The following ZNF195 variants were observed in gnomAD, a reference collection of about 807,000 sequenced individuals.
The protein encoded by ZNF195 is zinc finger protein 195.
A neutral mutation model predicts 19.5 loss-of-function variants in ZNF195; 11 were observed. The observed-to-expected ratio is 0.57, with a 90% confidence interval of 0.36 to 0.94. ZNF195 has a LOEUF of 0.94. Among genes scored for constraint, ZNF195 ranks in the 40% least tolerant of loss-of-function variants. The pLI is 0.01. For missense variants in ZNF195, 582 were observed against 709.0 expected (o/e 0.82, Z 2.03); for synonymous variants, 214 against 248.1 (o/e 0.86, Z 1.29).
At chr11:3,367,347 T>C (rs1848947335) in intron 3 of ZNF195, among the ~76,000 whole-genome samples, 2 of 152,074 alleles carry the variant, frequency 1.3e-5, no homozygotes, top group South Asian at 4.1e-4. Context: ...ATGTTAGTCA[T>C]AAAATCTGCT....
intron 1 of ZNF195, chr11:3,373,501 A>G: frequency 3.4e-6 from 4 of 1,186,908 alleles, no homozygotes; most frequent in Non-Finnish European, 4.9e-6. Flanking sequence ...GTAGAGAAGT[A>G]AAGGTTTCCA....
intron 1 of ZNF195, among the ~76,000 whole-genome samples, chr11:3,375,099 A>G (rs1849390940): frequency 6.6e-6 from 1 of 152,198 alleles, no homozygotes; most frequent in Non-Finnish European, 1.5e-5. Context: ...CTCTGATTTA[A>G]TTCTGTAGTT....
chr11:3,372,673 T>C (rs139520119), intron 1 of ZNF195, among the ~76,000 whole-genome samples: 8 of 152,182 alleles, frequency 5.3e-5, no homozygotes, highest in African/African-American at 1.9e-4. Context: ...CAAATAAATA[T>C]CTCCTATGTT....
chr11:3,360,935 T>C, intron 4 of ZNF195, 147 bp from the exon 5 acceptor site: 1 of 697,202 alleles, frequency 1.4e-6, no homozygotes, highest in Non-Finnish European at 2.3e-6. Flanking sequence ...GGCACAAGTG[T>C]TTTTACTTTT....
intron 1 of ZNF195, among the ~76,000 whole-genome samples, chr11:3,377,440 GT>G (rs1221967315): frequency 6.6e-6 from 1 of 152,216 alleles, no homozygotes; most frequent in Non-Finnish European, 1.5e-5. Flanking sequence ...ACGGGGTGGA[GT>G]TTTTCTTGCT....
At chr11:3,368,132 A>G (rs1051452582) in intron 3 of ZNF195, among the ~76,000 whole-genome samples, 4 of 151,348 alleles carry the variant, frequency 2.6e-5, no homozygotes, top group African/African-American at 4.9e-5. Flanking sequence ...GACATAACAC[A>G]TTAATTCTAG....
intron 1 of ZNF195, chr11:3,373,673 T>C (rs1849322207): frequency 2.6e-6 from 4 of 1,539,222 alleles, no homozygotes; most frequent in Admixed American, 3.9e-5. Context: ...CGTGAGAATA[T>C]GCCTTTAAAG....
intron 1 of ZNF195, among the ~76,000 whole-genome samples, chr11:3,375,318 A>G (rs1371396887): frequency 6.6e-6 from 1 of 152,218 alleles, no homozygotes; most frequent in East Asian, 1.9e-4. Flanking sequence ...TATTTTGGCC[A>G]CTTCCTTGTC....
intron 1 of ZNF195, among the ~76,000 whole-genome samples, chr11:3,374,961 C>T (rs1412144323): frequency 6.6e-6 from 1 of 152,202 alleles, no homozygotes; most frequent in Non-Finnish European, 1.5e-5. Flanking sequence ...GTCCTTTGAT[C>T]CCATTTATCT....
chr11:3,364,289 A>C (rs1487356166), intron 3 of ZNF195, among the ~76,000 whole-genome samples: 3 of 152,166 alleles, frequency 2.0e-5, no homozygotes, highest in Non-Finnish European at 4.4e-5. Context: ...AGCAAGACCC[A>C]ATCTCTACAA....
At chr11:3,362,722 C>A in intron 3 of ZNF195, 1 of 381,432 alleles carries the variant, frequency 2.6e-6, no homozygotes, top group Non-Finnish European at 4.8e-6. Context: ...AATACAATGG[C>A]TAAAGTACAT....
intron 1 of ZNF195, among the ~76,000 whole-genome samples, chr11:3,376,384 C>T (rs540409984): frequency 6.6e-6 from 1 of 152,074 alleles, no homozygotes; most frequent in East Asian, 1.9e-4. Flanking sequence ...ATAAAGTTTA[C>T]GAATTTGTGT....
chr11:3,369,013 T>C (rs1284621313), intron 3 of ZNF195, among the ~76,000 whole-genome samples: 1 of 152,228 alleles, frequency 6.6e-6, no homozygotes, highest in Non-Finnish European at 1.5e-5. Flanking sequence ...AATCATTTTT[T>C]AGACACGACA....
rs574335269 is a variant in ZNF195 at position 3,360,510 on chromosome 11, T to C, written c.498A>G (p.Ala166=). 2 of 1,607,032 alleles carry C rather than the reference T, an allele frequency of 1.2e-6. No homozygotes were observed. Among genetic ancestry groups the C allele is most frequent in the East Asian group, 2.2e-5 (1 of 44,802 alleles). Residue 166 remains alanine, a synonymous_variant, in exon 6 of 6, where the codon GCA becomes GCG. Coordinates refer to ENST00000399602, the MANE Select transcript of ZNF195 (RefSeq NM_001130520.3). ...ATCCTCTCAGTATTCTTTTTGGGAA[T>C]GCATCTTGTATGCCCTGCTCTGGCA... The part of the protein sequence containing the change: ...DLLPEQGIQD[A]FPKRILRGYG...
intron 3 of ZNF195, among the ~76,000 whole-genome samples, chr11:3,369,963 C>T (rs7930511): frequency 0.75 from 114,186 of 152,182 alleles, 43,201 homozygotes; most frequent in Middle Eastern, 0.8. Flanking sequence ...ATACACATAT[C>T]AAATTATTAC....
At chr11:3,362,536 T>A in intron 3 of ZNF195, 1 of 571,948 alleles carries the variant, frequency 1.7e-6, no homozygotes. Flanking sequence ...TATTTACCAG[T>A]GTAAAATACC....
At chr11:3,367,896 A>AC (rs1457571667) in intron 3 of ZNF195, among the ~76,000 whole-genome samples, 1 of 151,920 alleles carries the variant, frequency 6.6e-6, no homozygotes, top group Non-Finnish European at 1.5e-5. Context: ...ACATGGACAA[A>AC]CCCCATCTCT....
intron 1 of ZNF195, chr11:3,373,491 G>A (rs769993713): frequency 2.6e-4 from 270 of 1,030,972 alleles, no homozygotes; most frequent in Non-Finnish European, 3.7e-4. Context: ...AACACCACAA[G>A]TAGAGAAGTA....
At chr11:3,373,362 A>G (rs913032820) in intron 1 of ZNF195, among the ~76,000 whole-genome samples, 1 of 152,246 alleles carries the variant, frequency 6.6e-6, no homozygotes, top group Non-Finnish European at 1.5e-5. Context: ...TTCATGGCAT[A>G]TAAGAAGTCA....
Sources: allele counts gnomAD v4.1 joint callset (sites outside exome capture counted in the v4.1 genomes callset), GRCh38; gene constraint gnomAD v4.1.1; transcripts MANE v1.5; gene names NCBI Gene and HGNC (gene_info 2026-07-23, HGNC 2026-07-21).